The following ZAN variants were observed in gnomAD, a reference collection of about 807,000 sequenced individuals.
ZAN encodes zonadhesin.
ZAN carries 260 observed loss-of-function variants against 286.2 expected under a neutral mutation model. The observed-to-expected ratio is 0.91, with a 90% CI of 0.82 to 1.01. ZAN has a LOEUF of 1.01. ZAN is among the 50% of genes least tolerant of loss of function. The pLI, the probability that ZAN is intolerant of heterozygous loss-of-function variation, is 0.00. For synonymous variants in ZAN, 1,368 were observed against 1,417.5 expected, an observed-to-expected ratio of 0.97 and a Z score of 0.79; for missense variants, 3,410 against 3,639.2, an observed-to-expected ratio of 0.94 and a Z score of 1.62.
chr7:100,766,791 G>A, intron 24 of ZAN, 125 bp downstream of exon 24: 2 of 1,442,332 alleles, frequency 1.4e-6, no homozygotes. Flanking sequence ...AGGGGCAGCA[G>A]GGGCAGCATT....
rs1810112720 is a variant in ZAN at position 100,767,951 on chromosome 7, A to T, written c.4981A>T (p.Ser1661Cys). ...TGGGCTCCAAGTTCGCTACGACGGG[A>T]GCCACTTGGTGGAAGTGACAGTCCC... Reference protein sequence around the residue: ...NFGLQVRYDGSHLVEVTVPSS... With the variant: ...NFGLQVRYDGCHLVEVTVPSS... Residue 1661 changes from serine (S) to cysteine (C), a missense_variant, in exon 26 of 48, where the codon AGC (serine) becomes TGC (cysteine). Coordinates refer to ENST00000613979, the MANE Select transcript of ZAN (RefSeq NM_003386.3). 1 of 1,613,930 alleles carries T rather than the reference A, an allele frequency of 6.2e-7. No homozygotes were observed. The highest frequency in any genetic ancestry group is 2.2e-5 in the East Asian group (1 of 44,878).
chr7:100,780,852 G>A (rs1476716210), intron 35 of ZAN, among the ~76,000 whole-genome samples: 2 of 151,822 alleles, frequency 1.3e-5, no homozygotes, highest in Non-Finnish European at 2.9e-5. Flanking sequence ...CACTTTGGGA[G>A]TCCAAGAAGG....
chr7:100,749,889 A>G (rs1286155357), intron 11 of ZAN, among the ~76,000 whole-genome samples: 2 of 150,066 alleles, frequency 1.3e-5, no homozygotes, highest in Non-Finnish European at 3.0e-5. Context: ...CACCTCTACT[A>G]AAAACACAAA....
intron 34 of ZAN, among the ~76,000 whole-genome samples, chr7:100,777,952 A>C (rs1194841763): frequency 6.6e-6 from 1 of 152,058 alleles, no homozygotes; most frequent in African/African-American, 2.4e-5. Flanking sequence ...GATCCATCTC[A>C]AGGCTGCTAG....
chr7:100,790,467 C>T (rs948345922), intron 39 of ZAN, among the ~76,000 whole-genome samples: 2 of 148,846 alleles, frequency 1.3e-5, no homozygotes, highest in African/African-American at 5.0e-5. Context: ...GAGGCTGAGG[C>T]AGGAGAATGG....
chr7:100,776,576 C>G lies in ZAN; in HGVS notation c.6317+12C>G, dbSNP rs1469016873. 1 of 1,537,098 alleles carries G rather than the reference C, an allele frequency of 6.5e-7. No homozygotes were observed. The highest frequency in any genetic ancestry group is 8.8e-7 in the Non-Finnish European group (1 of 1,140,314). The stretch of plus-strand genomic sequence containing the variant: ...GACATTGACCCAAGGTAGTGGTCCC[C>G]TAAGACCCTCTAGGTTTTCTTTCTT... On this transcript the variant is annotated intron_variant, in intron 34 of 47. Transcript: ENST00000613979.
chr7:100,753,359 G>A, intron 14 of ZAN, 130 bp downstream of exon 14: 1 of 1,096,040 alleles, frequency 9.1e-7, no homozygotes, highest in East Asian at 2.6e-5. Flanking sequence ...TCTCAGAGGA[G>A]AGCTGAAGTA....
At position 100,763,920 on chromosome 7, in the gene ZAN, T is replaced by C. The variant is rs374736894; in HGVS notation, c.4097+4T>C. The C allele has an allele frequency of 1.2e-6, 2 of 1,613,736 alleles. No individual in the cohort carries two copies. The highest frequency in any genetic ancestry group is 1.7e-6 in the Non-Finnish European group (2 of 1,179,822). ...TCGACACTCATGGCCCATTTGAGTA[T>C]GAAGGAGGGCAGGCAGGGTCGCACA... On this transcript the variant is annotated splice_donor_region_variant and intron_variant, in intron 21 of 47. Coordinates refer to ENST00000613979, the MANE Select transcript of ZAN (RefSeq NM_003386.3). The surrounding 1 kb of genome is among the most constrained non-coding windows in gnomAD (Gnocchi z 4.6).
intron 45 of ZAN, 85 bp from the exon 46 acceptor site, chr7:100,797,281 A>G (rs995660809): frequency 2.3e-6 from 3 of 1,280,964 alleles, no homozygotes; most frequent in Non-Finnish European, 3.4e-6. Context: ...CTGGGGTAGC[A>G]AGCAATCCCC....
intron 25 of ZAN, 67 bp from the exon 26 acceptor site, chr7:100,767,764 C>G: frequency 6.5e-7 from 1 of 1,527,032 alleles, no homozygotes; most frequent in Non-Finnish European, 8.8e-7. Flanking sequence ...AGGCATGAGC[C>G]CCCGTCCTTG....
rs1233962121 is a variant in ZAN at position 100,792,998 on chromosome 7, G to GAAAAA, written c.7787+522_7787+523insAAAAA. Reference sequence around the variant, plus strand: ...ATCCTATCTCAAAAAAAAAAAAAAAGAAAGAAAGAAAGAAAGAACGAAAAA... The same window carrying GAAAAA: ...ATCCTATCTCAAAAAAAAAAAAAAAGAAAAAAAAGAAAGAAAGAAAGAACGAAAAA... On this transcript the variant is annotated intron_variant, in intron 42 of 47. Transcript: ENST00000613979. Among the ~76,000 whole-genome samples, 2 of 95,376 alleles carry GAAAAA rather than the reference G, an allele frequency of 2.1e-5. 1 individual carries two copies. Among genetic ancestry groups the GAAAAA allele is most frequent in the South Asian group, 6.2e-4 (2 of 3,244 alleles). 62.6% of individuals were successfully genotyped at this position (95,376 alleles called of 152,430 possible).
intron 14 of ZAN, among the ~76,000 whole-genome samples, chr7:100,754,639 G>T (rs769300277): frequency 2.2e-4 from 34 of 151,518 alleles, no homozygotes; most frequent in Non-Finnish European, 4.0e-4. Flanking sequence ...GAGTAGCTGG[G>T]GCCACAGGCC....
chr7:100,745,587 A>G (rs573948217), intron 7 of ZAN, among the ~76,000 whole-genome samples: 1 of 152,008 alleles, frequency 6.6e-6, no homozygotes, highest in South Asian at 2.1e-4. Flanking sequence ...TCCAGCGGGT[A>G]AAGAAAAGGA....
chr7:100,775,422 GAA>G lies in ZAN; in HGVS notation c.5876_5877del (p.Lys1959SerfsTer18). On this transcript the variant is annotated frameshift_variant, in exon 32 of 48. Transcript: ENST00000613979. LOFTEE classifies it high-confidence loss of function. ...CGGACGCCTGCACTCTTGTCCTGGT[GAA>G]AGTGTGCCACCCCGCCATGGCCTTG... is the stretch of plus-strand genomic sequence containing the variant. ...IPDACTLVLVKVCHPAMALPF... is the reference protein window; with the variant it reads ...IPDACTLVLVXVCHPAMALPF... 1 of 1,613,964 alleles carries G rather than the reference GAA, an allele frequency of 6.2e-7. No individual in the cohort carries two copies. The highest frequency in any genetic ancestry group is 8.5e-7 in the Non-Finnish European group (1 of 1,179,894).
chr7:100,776,857 C>T (rs1453021179), intron 34 of ZAN, among the ~76,000 whole-genome samples: 5 of 146,946 alleles, frequency 3.4e-5, no homozygotes, highest in Non-Finnish European at 4.5e-5. Flanking sequence ...CTCAGCCTCC[C>T]GAGTAGCTGG....
chr7:100,744,865 C>G (rs1347918461), intron 7 of ZAN, among the ~76,000 whole-genome samples: 1 of 147,950 alleles, frequency 6.8e-6, no homozygotes, highest in Admixed American at 6.8e-5. Flanking sequence ...CATAGGTCTC[C>G]TTGGTTTTTT....
chr7:100,766,389 T>G, intron 23 of ZAN, 136 bp from the exon 24 acceptor site: 1 of 1,130,640 alleles, frequency 8.8e-7, no homozygotes, highest in Non-Finnish European at 1.2e-6. Context: ...TCTCGGAGCT[T>G]CAGGAAGAGA....
rs915065390 is a variant in ZAN at position 100,767,641 on chromosome 7, AT to A, written c.4861-180del. 1.9e-3 allele frequency among the ~76,000 whole-genome samples: 263 copies of A among 137,278 alleles called. 1 individual carries two copies. Among genetic ancestry groups the A allele is most frequent in the African/African-American group, 6.2e-3 (244 of 39,438 alleles). The allele number at this position is 137,278 out of a possible 152,430, so 90.1% of individuals were successfully genotyped here. ...TAGGCATGCACCACCTGCACGGCTA[AT>A]TTTTTTTTTCACTTTTTGTAGAGAC... On this transcript the variant is annotated intron_variant, in intron 25 of 47. Coordinates refer to ENST00000613979, the MANE Select transcript of ZAN (RefSeq NM_003386.3).
chr7:100,789,943 C>G (rs925978637), intron 39 of ZAN, among the ~76,000 whole-genome samples: 1 of 151,650 alleles, frequency 6.6e-6, no homozygotes, highest in Admixed American at 6.6e-5. Context: ...AAAACTCCAT[C>G]TCAAAAAAAA....
Sources: gnomAD v4.1 joint callset for allele counts (sites outside exome capture counted in the v4.1 genomes callset) on GRCh38, gnomAD v4.1.1 for gene constraint, Gnocchi (gnomAD v3.1) non-coding constraint, MANE v1.5 for transcripts, NCBI Gene and HGNC (gene_info 2026-07-23, HGNC 2026-07-21) for gene names.